The following ZBTB4 variants were observed in gnomAD, a reference collection of about 807,000 sequenced individuals.
The protein encoded by ZBTB4 is zinc finger and BTB domain-containing protein 4.
ZBTB4 carries 14 observed loss-of-function variants against 59.8 expected under a neutral mutation model. The observed-to-expected ratio is 0.23, with a 90% confidence interval of 0.15 to 0.37. The LOEUF is 0.37. Among genes scored for constraint, ZBTB4 ranks in the 10% least tolerant of loss-of-function variants. The probability of loss-of-function intolerance (pLI) is 1.00; values close to 1 mark genes in which losing one functional copy is unlikely to be tolerated. For synonymous variants in ZBTB4, 587 were observed against 575.2 expected (o/e 1.02, Z -0.29); for missense variants, 1,198 against 1,380.8 (o/e 0.87, Z 2.10).
chr17:7,475,030 AAAAAAG>A (rs1399610292), intron 1 of ZBTB4, among the ~76,000 whole-genome samples: 1 of 150,080 alleles, frequency 6.7e-6, no homozygotes, highest in Non-Finnish European at 1.5e-5. Flanking sequence ...AAAAAAAAAA[AAAAAAG>A]GCCAGGTATG....
upstream of ZBTB4, among the ~76,000 whole-genome samples, chr17:7,480,014 CG>C (rs1355979094): frequency 6.6e-6 from 1 of 152,080 alleles, no homozygotes; most frequent in East Asian, 1.9e-4. Context: ...TAATCAGGCC[CG>C]GTGGGACTCA....
chr17:7,463,805 C>T lies in ZBTB4; in HGVS notation c.1177G>A (p.Gly393Ser). 6.2e-7 allele frequency: 1 copy of T among 1,614,086 alleles called. No individual in the cohort carries two copies. The highest frequency in any genetic ancestry group is 8.5e-7 in the Non-Finnish European group (1 of 1,180,004). Reference sequence around the variant, plus strand: ...GGTGTCTTCTCACTGGCAAGGAGGCCCGGGCTAATGCCGTGGAAGGCTCGC... The same window carrying T: ...GGTGTCTTCTCACTGGCAAGGAGGCTCGGGCTAATGCCGTGGAAGGCTCGC... ...HQRAFHGISP[G>S]LLASEKTPNG... is the part of the protein sequence containing the mutation. Residue 393 changes from glycine to serine, a missense_variant, in exon 4 of 4, where the codon GGC becomes AGC. Coordinates refer to ENST00000380599, the MANE Select transcript of ZBTB4 (RefSeq NM_001128833.2).
chr17:7,461,859 G>T lies in ZBTB4; in HGVS notation c.*81C>A. 7.6e-7 allele frequency: 1 copy of T among 1,311,608 alleles called. No homozygotes were observed. The highest frequency in any genetic ancestry group is 1.0e-6 in the Non-Finnish European group (1 of 954,000). 81.2% of individuals were successfully genotyped at this position (1,311,608 alleles called of 1,614,324 possible). On this transcript the variant is annotated 3_prime_UTR_variant, in exon 4 of 4. Coordinates refer to ENST00000380599, the MANE Select transcript of ZBTB4 (RefSeq NM_001128833.2). ...CAAGAGTGTGAAGGGGCTCCCAAGG[G>T]GCAGGGAGGCCAGGGAGCTGGTAGT...
At chr17:7,482,109 T>C, upstream of ZBTB4, 2 of 1,614,170 alleles carry the variant, frequency 1.2e-6, no homozygotes, top group Middle Eastern at 3.3e-4. Flanking sequence ...GGCCTGCTGG[T>C]GGCCCTGCTG....
chr17:7,482,917 G>A, upstream of ZBTB4: 1 of 1,612,028 alleles, frequency 6.2e-7, no homozygotes, highest in Non-Finnish European at 8.5e-7. Context: ...CTGACATCGT[G>A]GGGGCAGGGG....
chr17:7,481,883 A>G (rs559610082), upstream of ZBTB4: 3 of 1,446,652 alleles, frequency 2.1e-6, no homozygotes, highest in African/African-American at 1.4e-5. Context: ...ATAGCCCAAC[A>G]CTGTACAGTC....
intron 1 of ZBTB4, among the ~76,000 whole-genome samples, chr17:7,468,735 T>C (rs894846698): frequency 2.0e-5 from 3 of 152,196 alleles, no homozygotes; most frequent in Non-Finnish European, 2.9e-5. Context: ...GAGTTCCTCA[T>C]ACAATTCCCA....
At chr17:7,467,614 C>T (rs901326783) in intron 1 of ZBTB4, among the ~76,000 whole-genome samples, 1 of 152,182 alleles carries the variant, frequency 6.6e-6, no homozygotes, top group African/African-American at 2.4e-5. Flanking sequence ...CAATTCACCT[C>T]CAAACAATAT....
chr17:7,483,238 G>A, upstream of ZBTB4: 1 of 777,962 alleles, frequency 1.3e-6, no homozygotes, highest in Non-Finnish European at 2.0e-6. Flanking sequence ...CATAACTAAG[G>A]GGTAAAGTCT....
At chr17:7,464,795 G>A (rs192670866) in intron 3 of ZBTB4, among the ~76,000 whole-genome samples, 54 of 148,480 alleles carry the variant, frequency 3.6e-4, no homozygotes, top group Admixed American at 7.4e-4. Flanking sequence ...CTGAGATTGC[G>A]CCACTGCACT....
intron 1 of ZBTB4, among the ~76,000 whole-genome samples, chr17:7,473,707 C>T (rs2070231104): frequency 6.6e-6 from 1 of 151,912 alleles, no homozygotes; most frequent in African/African-American, 2.4e-5. Context: ...TGCCACCATG[C>T]CCAGATAATT....
rs1274931697 is a variant in ZBTB4, at chr17:7,466,825, AAG to A, written c.-9-17_-9-16del. ...ATGGTGCCAGCCTAGACAGTGGGAG[AAG>A]AGGCCGGGTAGAGTCTCAGAGGCTG... On this transcript the variant is annotated splice_polypyrimidine_tract_variant and intron_variant, in intron 2 of 3. Coordinates refer to ENST00000380599, the MANE Select transcript of ZBTB4 (RefSeq NM_001128833.2). This position sits in a 1 kb window ranked among gnomAD's most constrained non-coding sequence, Gnocchi z 9.1. The A allele has an allele frequency of 1.3e-6, 2 of 1,520,964 alleles. No homozygotes were observed. The highest frequency in any genetic ancestry group is 1.8e-6 in the Non-Finnish European group (2 of 1,135,624). The allele number at this position is 1,520,964 out of a possible 1,614,324, so 94.2% of individuals were successfully genotyped here.
intron 3 of ZBTB4, among the ~76,000 whole-genome samples, chr17:7,464,780 C>A (rs1224922051): frequency 7.1e-5 from 10 of 141,786 alleles, no homozygotes; most frequent in African/African-American, 2.4e-4. Context: ...AGAGGTTGCA[C>A]TGAGCTGAGA....
intron 1 of ZBTB4, among the ~76,000 whole-genome samples, chr17:7,477,107 G>T (rs2070279081): frequency 6.6e-6 from 1 of 152,202 alleles, no homozygotes; most frequent in South Asian, 2.1e-4. Flanking sequence ...GTGCCCTGAG[G>T]ACAGGCTGGT....
chr17:7,464,605 A>C (rs1311396588), intron 3 of ZBTB4, among the ~76,000 whole-genome samples: 2 of 151,902 alleles, frequency 1.3e-5, no homozygotes, highest in Non-Finnish European at 2.9e-5. Context: ...TGGGAGGCTG[A>C]GGTTGGCGAA....
At chr17:7,469,785 A>G (rs1302524035) in intron 1 of ZBTB4, among the ~76,000 whole-genome samples, 2 of 145,890 alleles carry the variant, frequency 1.4e-5, no homozygotes, top group Non-Finnish European at 3.0e-5. Flanking sequence ...AATAAAAATA[A>G]AAATAAATAA....
intron 1 of ZBTB4, among the ~76,000 whole-genome samples, chr17:7,468,483 T>A (rs962965515): frequency 6.6e-6 from 1 of 152,232 alleles, no homozygotes; most frequent in African/African-American, 2.4e-5. Flanking sequence ...GCAGGCACCA[T>A]CAGGGCCTTG....
In ZBTB4 at chr17:7,479,027, C is replaced by T. The variant is rs530018631; in HGVS notation, c.-81+429G>A. 5.9e-5 allele frequency among the ~76,000 whole-genome samples: 9 copies of T among 152,236 alleles called. No individual in the cohort carries two copies. The South Asian group carries it at 1.7e-3, about 28-fold the overall frequency. The stretch of plus-strand genomic sequence containing the variant: ...AACTCTGGGGCGCTCGGCGGCCCAC[C>T]CCTCCCCCTCTCTGCCTGGCTCCTA... On this transcript the variant is annotated intron_variant, in intron 1 of 3. Coordinates refer to ENST00000380599, the MANE Select transcript of ZBTB4 (RefSeq NM_001128833.2).
intron 1 of ZBTB4, among the ~76,000 whole-genome samples, chr17:7,474,382 G>A (rs993256196): frequency 2.0e-5 from 3 of 151,262 alleles, no homozygotes; most frequent in East Asian, 1.9e-4. Context: ...CACGCCCAGC[G>A]AATTTTTTGT....
Sources: allele counts gnomAD v4.1 joint callset (sites outside exome capture counted in the v4.1 genomes callset), GRCh38; gene constraint gnomAD v4.1.1; non-coding constraint Gnocchi (gnomAD v3.1); transcripts MANE v1.5; gene names NCBI Gene and HGNC (gene_info 2026-07-23, HGNC 2026-07-21).